The following NBAS variants were observed in gnomAD, a reference collection of about 807,000 sequenced individuals.
NBAS encodes the protein NBAS subunit of NRZ tethering complex.
NBAS carries 219 observed loss-of-function variants against 302.5 expected under a neutral mutation model. That is an observed-to-expected ratio of 0.72 (90% confidence interval 0.65 to 0.81). The LOEUF is 0.81. NBAS is among the 30% of genes least tolerant of loss of function. The probability of loss-of-function intolerance (pLI) is 0.00; values close to 1 mark genes in which losing one functional copy is unlikely to be tolerated. For missense variants in NBAS, 2,932 were observed against 2,841.6 expected (o/e 1.03, Z -0.72); for synonymous variants, 1,118 against 1,021.6 (o/e 1.09, Z -1.80).
chr2:15,442,094 TCAA>T (rs1428809756), intron 21 of NBAS, among the ~76,000 whole-genome samples: 7 of 132,572 alleles, frequency 5.3e-5, no homozygotes, highest in Admixed American at 1.6e-4. Flanking sequence ...ATTAGACAGA[TCAA>T]CGAGACAGAT....
At chr2:14,807,843 T>C in the NBAS span, among the ~76,000 whole-genome samples, 2 of 152,122 alleles carry the variant, frequency 1.3e-5, no homozygotes, top group African/African-American at 4.8e-5. Context: ...TTAAATGAGA[T>C]AATTCATACA....
At chr2:15,461,011 G>C (rs1417528608) in intron 21 of NBAS, among the ~76,000 whole-genome samples, 190 bp downstream of exon 21, 1 of 152,146 alleles carries the variant, frequency 6.6e-6, no homozygotes, top group Non-Finnish European at 1.5e-5. Flanking sequence ...TGCTCATTAA[G>C]TTAAGGTAAG....
In NBAS at chr2:15,554,116, C is replaced by A. The variant is rs748989448; in HGVS notation, c.232G>T (p.Asp78Tyr). The change falls in exon 4 of 52, where the codon GAT becomes TAT. Residue 78 changes from aspartate (D) to tyrosine (Y), a missense_variant. Physicochemically the swap from Asp to Tyr is radical, Grantham distance 160. Coordinates refer to ENST00000281513, the MANE Select transcript of NBAS (RefSeq NM_015909.4). The stretch of plus-strand genomic sequence containing the variant: ...TTATTAACCAAGCGAACCAGTCCAT[C>A]AGGGAGCAAAAAAGGTGCCGGGCTG... ...WYSPAPFLLP[D>Y]GLVRLVNKQI... 20 of 1,613,742 alleles carry A rather than the reference C, an allele frequency of 1.2e-5. No homozygotes were observed. In the Admixed American group the frequency reaches 3.3e-4, roughly 27 times the overall value.
At chr2:15,265,674 A>G (rs1393641010) in intron 44 of NBAS, among the ~76,000 whole-genome samples, 1 of 152,206 alleles carries the variant, frequency 6.6e-6, no homozygotes, top group Non-Finnish European at 1.5e-5. Flanking sequence ...ACTATGGCCC[A>G]TGCATGGTTC....
chr2:15,014,475 G>A, the NBAS span, among the ~76,000 whole-genome samples: 1 of 152,006 alleles, frequency 6.6e-6, no homozygotes, highest in Non-Finnish European at 1.5e-5. Flanking sequence ...AATAACAAGA[G>A]GAGCCTTGGA....
chr2:15,197,189 G>A (rs1215901638), intron 48 of NBAS, among the ~76,000 whole-genome samples: 2 of 152,122 alleles, frequency 1.3e-5, no homozygotes, highest in African/African-American at 2.4e-5. Context: ...TCAATGCTAT[G>A]TATAAGAGCC....
At chr2:15,021,562 G>A in the NBAS span, among the ~76,000 whole-genome samples, 2,111 of 152,326 alleles carry the variant, frequency 0.014, 57 homozygotes, top group African/African-American at 0.049. Flanking sequence ...GTGGGCACCA[G>A]CTGTCTCCAG....
intron 30 of NBAS, among the ~76,000 whole-genome samples, chr2:15,378,535 T>C (rs1041491483): frequency 6.6e-6 from 1 of 152,218 alleles, no homozygotes; most frequent in Non-Finnish European, 1.5e-5. Context: ...ATGCATTTAA[T>C]ACACCTAACC....
intron 51 of NBAS, among the ~76,000 whole-genome samples, chr2:15,174,382 G>A (rs546508300): frequency 2.0e-5 from 3 of 152,318 alleles, no homozygotes; most frequent in African/African-American, 7.2e-5. Context: ...GTCACTGGAA[G>A]AAGGACATTA....
At chr2:15,435,433 T>C (rs529298075) in intron 21 of NBAS, among the ~76,000 whole-genome samples, 1 of 152,192 alleles carries the variant, frequency 6.6e-6, no homozygotes, top group African/African-American at 2.4e-5. Flanking sequence ...TACTTAACTA[T>C]CTGCAAGCAC....
the NBAS span, among the ~76,000 whole-genome samples, chr2:14,782,099 T>C: frequency 1.3e-5 from 2 of 152,310 alleles, no homozygotes; most frequent in East Asian, 3.9e-4. Flanking sequence ...CCAACCCCTA[T>C]TTTTACCTTT....
chr2:14,800,738 T>C, the NBAS span, among the ~76,000 whole-genome samples: 1 of 152,060 alleles, frequency 6.6e-6, no homozygotes, highest in South Asian at 2.1e-4. Context: ...CCATAGTACA[T>C]TGTAATTATT....
intron 21 of NBAS, among the ~76,000 whole-genome samples, chr2:15,434,462 A>G (rs1677913806): frequency 6.6e-6 from 1 of 152,226 alleles, no homozygotes; most frequent in Non-Finnish European, 1.5e-5. Flanking sequence ...AGGAATCCTC[A>G]AGTATAATTT....
At chr2:15,069,828 T>C in the NBAS span, among the ~76,000 whole-genome samples, 5 of 152,290 alleles carry the variant, frequency 3.3e-5, no homozygotes, top group Non-Finnish European at 5.9e-5. Context: ...TCTGTGAACA[T>C]TTGTTAAAAA....
At chr2:15,470,921 A>T (rs1679931645) in intron 16 of NBAS, among the ~76,000 whole-genome samples, 1 of 152,146 alleles carries the variant, frequency 6.6e-6, no homozygotes, top group Admixed American at 6.5e-5. Flanking sequence ...AGATCGCACC[A>T]TTGCAATCCA....
chr2:14,934,720 A>T, the NBAS span, among the ~76,000 whole-genome samples: 5 of 152,310 alleles, frequency 3.3e-5, no homozygotes, highest in South Asian at 8.3e-4. Context: ...TTTCTCATAT[A>T]GAATATATGA....
chr2:15,328,132 G>A, intron 37 of NBAS, 67 bp downstream of exon 37: 2 of 1,481,090 alleles, frequency 1.4e-6, no homozygotes, highest in Non-Finnish European at 1.9e-6. Context: ...GAAAATTTTA[G>A]TTTTTGTTTC....
the NBAS span, among the ~76,000 whole-genome samples, chr2:15,062,336 G>A: frequency 5.9e-5 from 9 of 152,230 alleles, no homozygotes; most frequent in East Asian, 7.7e-4. Flanking sequence ...AAATGTAGTC[G>A]GTCAAGCTGC....
the NBAS span, among the ~76,000 whole-genome samples, chr2:14,837,401 C>T: frequency 6.6e-6 from 1 of 151,760 alleles, no homozygotes; most frequent in Non-Finnish European, 1.5e-5. Context: ...TTTAGTAATA[C>T]CCTTGTCTGA....
Sources: gnomAD v4.1 joint callset for allele counts (sites outside exome capture counted in the v4.1 genomes callset) on GRCh38, gnomAD v4.1.1 for gene constraint, MANE v1.5 for transcripts, NCBI Gene and HGNC (gene_info 2026-07-23, HGNC 2026-07-21) for gene names.